RBFOX1: variants seen among roughly 807,000 people sequenced by gnomAD.
RBFOX1 encodes the protein RNA binding fox-1 homolog 1.
RBFOX1 carries 8 observed loss-of-function variants against 57.7 expected under a neutral mutation model. That is an observed-to-expected ratio of 0.14 (90% CI 0.08 to 0.25). RBFOX1 has a LOEUF of 0.25. Ranked by LOEUF, RBFOX1 falls within the 10% of genes least tolerant of loss-of-function variation. The pLI is 1.00. For missense variants in RBFOX1, 611 were observed against 548.5 expected (o/e 1.11, Z -1.14); for synonymous variants, 326 against 222.4 (o/e 1.47, Z -4.15).
intron 4 of RBFOX1, among the ~76,000 whole-genome samples, chr16:7,493,334 C>A (rs565638736): frequency 6.6e-6 from 1 of 152,180 alleles, no homozygotes; most frequent in East Asian, 1.9e-4. Context: ...TTTCTGTCAT[C>A]TCAGCAAGTT....
chr16:5,486,673 G>T (rs77181157), intron 2 of RBFOX1, among the ~76,000 whole-genome samples: 2,392 of 152,242 alleles, frequency 0.016, 48 homozygotes, highest in African/African-American at 0.042. Flanking sequence ...CTTGTGCCCT[G>T]TCTATGTAGG....
intron 1 of RBFOX1, among the ~76,000 whole-genome samples, chr16:5,445,400 T>C (rs1172824671): frequency 1.3e-5 from 2 of 152,164 alleles, no homozygotes. Flanking sequence ...GTGAGCTCCC[T>C]AAGGGTGGGG....
chr16:7,259,650 G>T (rs1459672551), intron 4 of RBFOX1, among the ~76,000 whole-genome samples: 2 of 151,942 alleles, frequency 1.3e-5, no homozygotes, highest in Non-Finnish European at 2.9e-5. Context: ...CAAGCCTATA[G>T]CTTTTGAAAT....
At position 5,385,230 on chromosome 16, in the gene RBFOX1, G is replaced by A. The variant is rs189988030; in HGVS notation, c.220-81986G>A. ...ACACACTGGAAAGTGGCAAGGCCAG[G>A]ATTAAAAGCTAGAAGCGACTCAATC... On this transcript the variant is annotated intron_variant, in intron 1 of 2. Coordinates refer to the RBFOX1 transcript ENST00000585867. Among the ~76,000 whole-genome samples the A allele has an allele frequency of 1.1e-4, 17 of 152,030 alleles. 1 individual carries two copies. The highest frequency in any genetic ancestry group is 3.9e-4 in the Admixed American group (6 of 15,272).
At chr16:5,461,406 G>C (rs2151595186) in intron 1 of RBFOX1, among the ~76,000 whole-genome samples, 1 of 152,256 alleles carries the variant, frequency 6.6e-6, no homozygotes, top group African/African-American at 2.4e-5. Context: ...GGGTGGCTGA[G>C]GAAACCAGCA....
chr16:6,935,278 G>A (rs2153483030), intron 3 of RBFOX1, among the ~76,000 whole-genome samples: 1 of 152,236 alleles, frequency 6.6e-6, no homozygotes, highest in African/African-American at 2.4e-5. Flanking sequence ...TGTAGCAGAT[G>A]TTCAGAGTGG....
intron 4 of RBFOX1, among the ~76,000 whole-genome samples, chr16:5,928,585 A>G (rs72770929): frequency 0.053 from 7,987 of 151,664 alleles, 280 homozygotes; most frequent in Non-Finnish European, 0.079. Context: ...AAGTCACTAT[A>G]TGTTCCTCCT....
chr16:7,500,137 A>C (rs1471670848), intron 4 of RBFOX1, among the ~76,000 whole-genome samples: 1 of 152,128 alleles, frequency 6.6e-6, no homozygotes, highest in Non-Finnish European at 1.5e-5. Context: ...GAAGAATAAT[A>C]TTTATGCACT....
intron 2 of RBFOX1, among the ~76,000 whole-genome samples, chr16:5,499,473 G>C (rs907537217): frequency 6.6e-6 from 1 of 152,164 alleles, no homozygotes; most frequent in African/African-American, 2.4e-5. Flanking sequence ...TTGAGAGATG[G>C]ACAAACAGAG....
intron 2 of RBFOX1, among the ~76,000 whole-genome samples, chr16:6,470,359 G>A (rs1015725089): frequency 6.6e-6 from 1 of 152,190 alleles, no homozygotes; most frequent in Non-Finnish European, 1.5e-5. Flanking sequence ...GATATTAAAT[G>A]TGTGACTATA....
At chr16:6,959,409 G>C (rs913370690) in intron 3 of RBFOX1, among the ~76,000 whole-genome samples, 1 of 152,196 alleles carries the variant, frequency 6.6e-6, no homozygotes, top group African/African-American at 2.4e-5. Context: ...TCTAAGAGTT[G>C]TACTTCACGC....
At chr16:6,785,582 T>G (rs2081817748) in intron 3 of RBFOX1, among the ~76,000 whole-genome samples, 1 of 152,282 alleles carries the variant, frequency 6.6e-6, no homozygotes, top group East Asian at 1.9e-4. Context: ...GGGGACAAGT[T>G]TTCCATTAAA....
rs570987500 is a variant in RBFOX1 at position 7,712,796 on chromosome 16, G to T, written c.*2051G>T. Reference sequence around the variant, plus strand: ...AGGGAAGAAAGAGTAGGAGCAGGGGGCTATGGAGAATAAATTTCTCCCAAT... The same window carrying T: ...AGGGAAGAAAGAGTAGGAGCAGGGGTCTATGGAGAATAAATTTCTCCCAAT... On this transcript the variant is annotated 3_prime_UTR_variant, in exon 16 of 16. Transcript: ENST00000550418. 3 of 152,214 alleles carry T rather than the reference G, an allele frequency of 2.0e-5. No individual in the cohort carries two copies. The East Asian group carries it at 5.8e-4, about 29-fold the overall frequency. 9.4% of individuals were successfully genotyped at this position (152,214 alleles called of 1,614,324 possible).
chr16:7,213,725 C>T (rs2091558686), intron 4 of RBFOX1, among the ~76,000 whole-genome samples: 1 of 152,122 alleles, frequency 6.6e-6, no homozygotes, highest in South Asian at 2.1e-4. Flanking sequence ...TTCCAGAAGG[C>T]TAGGGAATAT....
Position 5,455,025 on chromosome 16 carries a change from C to CTTTCTT in RBFOX1, c.220-12190_220-12189insTTCTTT, listed in dbSNP as rs1178366526. Among the ~76,000 whole-genome samples, 238 of 79,304 alleles carry CTTTCTT rather than the reference C, an allele frequency of 3.0e-3. 2 individuals carry two copies. Among genetic ancestry groups the CTTTCTT allele is most frequent in the Middle Eastern group, 6.4e-3 (1 of 156 alleles). The allele number at this position is 79,304 out of a possible 152,430, so 52.0% of individuals were successfully genotyped here. Reference sequence around the variant, plus strand: ...TTTCTTTCTTTCTTTCTTTCTTTCTCTCTCTCTGTCTGTCTCTCTTTCTTT... The same window carrying CTTTCTT: ...TTTCTTTCTTTCTTTCTTTCTTTCTCTTTCTTTCTCTCTGTCTGTCTCTCTTTCTTT... On this transcript the variant is annotated intron_variant, in intron 1 of 2. Coordinates refer to the RBFOX1 transcript ENST00000585867.
chr16:5,499,999 T>C (rs2043131424), intron 2 of RBFOX1, among the ~76,000 whole-genome samples: 1 of 152,194 alleles, frequency 6.6e-6, no homozygotes, highest in African/African-American at 2.4e-5. Context: ...CTCTCTTCCT[T>C]TCTCCCATTC....
At chr16:6,995,250 C>G (rs1032586260) in intron 3 of RBFOX1, among the ~76,000 whole-genome samples, 1 of 142,586 alleles carries the variant, frequency 7.0e-6, no homozygotes, top group African/African-American at 2.6e-5. Flanking sequence ...ATTAGTCAAA[C>G]CTGTATTGAT....
At chr16:7,138,653 G>A (rs1433197341) in intron 4 of RBFOX1, among the ~76,000 whole-genome samples, 1 of 152,138 alleles carries the variant, frequency 6.6e-6, no homozygotes, top group African/African-American at 2.4e-5. Flanking sequence ...GCCTACAAAG[G>A]TGAAGGGGAT....
At chr16:7,488,334 T>C (rs1319592469) in intron 4 of RBFOX1, among the ~76,000 whole-genome samples, 2 of 152,196 alleles carry the variant, frequency 1.3e-5, no homozygotes, top group Non-Finnish European at 2.9e-5. Flanking sequence ...TCCTTTATTA[T>C]AGCTAGATAG....
Sources: gnomAD v4.1 joint callset for allele counts (sites outside exome capture counted in the v4.1 genomes callset) on GRCh38, gnomAD v4.1.1 for gene constraint, MANE v1.5 for transcripts, NCBI Gene and HGNC (gene_info 2026-07-23, HGNC 2026-07-21) for gene names.